Variants in CDK19 observed in about 807,000 individuals in gnomAD.
CDK19 encodes the protein cyclin dependent kinase 19, also known as cyclin-dependent kinase 19.
A neutral mutation model predicts 68.3 loss-of-function variants in CDK19; 20 were observed. The ratio of observed to expected loss-of-function variants is 0.29; its 90% CI spans 0.21 to 0.43. The LOEUF is 0.43. Ranked by LOEUF, CDK19 falls within the 20% of genes least tolerant of loss-of-function variation. The probability of loss-of-function intolerance (pLI) is 1.00; values close to 1 mark genes in which losing one functional copy is unlikely to be tolerated. For synonymous variants in CDK19, 221 were observed against 222.8 expected (o/e 0.99, Z 0.07); for missense variants, 339 against 623.5 (o/e 0.54, Z 4.86).
chr6:110,700,646 T>C (rs1773913224), intron 2 of CDK19: 1 of 153,138 alleles, frequency 6.5e-6, no homozygotes, highest in South Asian at 2.1e-4. Flanking sequence ...GGAGAAGGTG[T>C]GTGCTGACTT....
chr6:110,629,674 T>C (rs1013227078), intron 6 of CDK19, among the ~76,000 whole-genome samples: 9 of 152,170 alleles, frequency 5.9e-5, no homozygotes, highest in Non-Finnish European at 1.0e-4. Context: ...ATTTCTAACA[T>C]GGACCATGTA....
At chr6:110,808,581 T>C (rs571593158) in intron 1 of CDK19, among the ~76,000 whole-genome samples, 3 of 152,272 alleles carry the variant, frequency 2.0e-5, no homozygotes, top group Admixed American at 2.0e-4. Flanking sequence ...ATTATCAAAT[T>C]TCATTGAAAA....
chr6:110,689,233 A>C (rs1772767503), intron 2 of CDK19, among the ~76,000 whole-genome samples: 1 of 152,068 alleles, frequency 6.6e-6, no homozygotes. Context: ...CCTGACTCCC[A>C]CAGAGGCCGC....
In CDK19 at chr6:110,613,850, T is replaced by C. The variant is rs1778149030; in HGVS notation, c.*685A>G. 1 of 152,650 alleles carries C rather than the reference T, an allele frequency of 6.6e-6. No homozygotes were observed. The allele number at this position is 152,650 out of a possible 1,614,324, so 9.5% of individuals were successfully genotyped here. ...ACTCAGTTCCATATGAATGATTCTATAAAAATTACCACATACTTCAGTTCT... is the reference window on the plus strand; with the variant it reads ...ACTCAGTTCCATATGAATGATTCTACAAAAATTACCACATACTTCAGTTCT... On this transcript the variant is annotated 3_prime_UTR_variant, in exon 13 of 13. Coordinates refer to ENST00000368911, the MANE Select transcript of CDK19 (RefSeq NM_015076.5).
At chr6:110,754,081 G>C (rs1189812265) in intron 1 of CDK19, among the ~76,000 whole-genome samples, 1 of 150,386 alleles carries the variant, frequency 6.6e-6, no homozygotes, top group African/African-American at 2.5e-5. Flanking sequence ...CCAGGTTGGA[G>C]TGCAGTGGTG....
intron 2 of CDK19, among the ~76,000 whole-genome samples, chr6:110,719,626 C>G (rs1775668660): frequency 6.6e-6 from 1 of 152,222 alleles, no homozygotes; most frequent in East Asian, 1.9e-4. Flanking sequence ...AAAGATAATA[C>G]AGTTAAAGGA....
At chr6:110,648,845 G>A (rs890898532) in intron 4 of CDK19, among the ~76,000 whole-genome samples, 1 of 152,084 alleles carries the variant, frequency 6.6e-6, no homozygotes, top group African/African-American at 2.4e-5. Context: ...AGCCTCCCAA[G>A]TAGCTGGGAC....
In CDK19 at chr6:110,615,635, TG is replaced by T. The variant is rs777461815; in HGVS notation, c.1378-970del. Among the ~76,000 whole-genome samples, 87 of 152,366 alleles carry T rather than the reference TG, an allele frequency of 5.7e-4. No homozygotes were observed. In the East Asian group the frequency reaches 0.012, roughly 21 times the overall value. Reference sequence around the variant, plus strand: ...AACTGTTCTTGGTCATTGCTGGGCATGGGCCAAGCTAACTTTGGGAGAAATT... The same window carrying T: ...AACTGTTCTTGGTCATTGCTGGGCATGGCCAAGCTAACTTTGGGAGAAATT... On this transcript the variant is annotated intron_variant, in intron 12 of 12. Transcript: ENST00000368911.
intron 2 of CDK19, among the ~76,000 whole-genome samples, chr6:110,731,770 C>T (rs77318618): frequency 0.027 from 4,144 of 152,202 alleles, 82 homozygotes; most frequent in South Asian, 0.084. Flanking sequence ...TTCAATCTAT[C>T]CTATTTGCAT....
At chr6:110,801,050 T>C (rs535567458) in intron 1 of CDK19, among the ~76,000 whole-genome samples, 2 of 152,236 alleles carry the variant, frequency 1.3e-5, no homozygotes, top group East Asian at 3.9e-4. Context: ...TAGAAAACCC[T>C]AAAGATTCCT....
intron 6 of CDK19, 80 bp downstream of exon 6, chr6:110,631,950 T>C: frequency 7.6e-7 from 1 of 1,319,256 alleles, no homozygotes; most frequent in Non-Finnish European, 1.1e-6. Context: ...ATGGTTTTTA[T>C]CAAGTAGCTT....
At chr6:110,813,066 A>C (rs1717475802) in intron 1 of CDK19, 1 of 151,860 alleles carries the variant, frequency 6.6e-6, no homozygotes, top group East Asian at 1.9e-4. Context: ...TTTTTAGAAA[A>C]AAAGCATTAT....
intron 2 of CDK19, among the ~76,000 whole-genome samples, chr6:110,704,978 A>C (rs1481643385): frequency 6.6e-6 from 1 of 152,200 alleles, no homozygotes; most frequent in Non-Finnish European, 1.5e-5. Context: ...AAGCAACCAA[A>C]AAGATGGTGG....
chr6:110,622,044 C>T, intron 11 of CDK19, 44 bp downstream of exon 11: 1 of 1,144,164 alleles, frequency 8.7e-7, no homozygotes, highest in Non-Finnish European at 1.3e-6. Context: ...ATCTTTTTGC[C>T]TCCCTTGCTC....
At chr6:110,737,090 T>A (rs1407153507) in intron 2 of CDK19, among the ~76,000 whole-genome samples, 2 of 152,204 alleles carry the variant, frequency 1.3e-5, no homozygotes, top group Non-Finnish European at 2.9e-5. Context: ...AAGGAAAGCA[T>A]CTGCAGCTAC....
intron 2 of CDK19, among the ~76,000 whole-genome samples, chr6:110,705,299 G>A (rs565336814): frequency 1.8e-4 from 28 of 152,166 alleles, no homozygotes; most frequent in Middle Eastern, 3.4e-3. Context: ...CTCGGCCTCC[G>A]TAAGTGCTGG....
chr6:110,679,027 A>C (rs1190343172), intron 2 of CDK19, among the ~76,000 whole-genome samples: 2 of 152,138 alleles, frequency 1.3e-5, no homozygotes, highest in African/African-American at 4.8e-5. Context: ...AAGTTAAATA[A>C]GCTGGATGTA....
chr6:110,812,812 T>TAAAAAAAAAAAAAAA (rs66478846), intron 1 of CDK19, among the ~76,000 whole-genome samples: 3 of 101,616 alleles, frequency 3.0e-5, no homozygotes, highest in Non-Finnish European at 4.4e-5. Flanking sequence ...TTTAAAACAG[T>TAAAAAAAAAAAAAAA]AAAAAAAAAA....
chr6:110,781,195 CT>C (rs1780789464), intron 1 of CDK19, among the ~76,000 whole-genome samples: 1 of 152,208 alleles, frequency 6.6e-6, no homozygotes, highest in Non-Finnish European at 1.5e-5. Context: ...GCACCAGCAT[CT>C]GCTTCCGATG....
Sources: gnomAD v4.1 joint callset for allele counts (sites outside exome capture counted in the v4.1 genomes callset) on GRCh38, gnomAD v4.1.1 for gene constraint, MANE v1.5 for transcripts, NCBI Gene and HGNC (gene_info 2026-07-23, HGNC 2026-07-21) for gene names.